Variants in ABTB3 observed in about 807,000 individuals in gnomAD.
ABTB3 encodes the protein ankyrin repeat- and BTB/POZ domain-containing protein 3.
chr12:107,320,104 C>T, the ABTB3 span: 3 of 1,381,038 alleles, frequency 2.2e-6, no homozygotes, highest in Non-Finnish European at 2.8e-6. Context: ...GCCACTCCCT[C>T]TCACCTAACC....
chr12:107,451,698 A>C, the ABTB3 span, among the ~76,000 whole-genome samples: 1 of 148,388 alleles, frequency 6.7e-6, no homozygotes, highest in Non-Finnish European at 1.5e-5. Flanking sequence ...TTTCCTGAAC[A>C]GGCAGCTGAA....
the ABTB3 span, among the ~76,000 whole-genome samples, chr12:107,409,128 G>A: frequency 6.6e-6 from 1 of 152,082 alleles, no homozygotes; most frequent in Non-Finnish European, 1.5e-5. Context: ...CTGTGTCTCT[G>A]TTTCTCTCCG....
At chr12:107,652,471 T>C in the ABTB3 span, among the ~76,000 whole-genome samples, 4 of 152,184 alleles carry the variant, frequency 2.6e-5, no homozygotes, top group Non-Finnish European at 5.9e-5. Context: ...TTTCAAAGCT[T>C]CCCAGGTGAT....
chr12:107,319,492 C>G, the ABTB3 span: 1 of 1,593,688 alleles, frequency 6.3e-7, no homozygotes, highest in Non-Finnish European at 8.5e-7. Flanking sequence ...CTGCGCTGGC[C>G]GCACTGTCCC....
At chr12:107,473,903 G>A in the ABTB3 span, among the ~76,000 whole-genome samples, 2 of 151,400 alleles carry the variant, frequency 1.3e-5, no homozygotes, top group Non-Finnish European at 2.9e-5. Flanking sequence ...CCAGATTCAA[G>A]TGATTCTCCT....
At chr12:107,379,321 TC>T in the ABTB3 span, among the ~76,000 whole-genome samples, 1 of 152,016 alleles carries the variant, frequency 6.6e-6, no homozygotes, top group African/African-American at 2.4e-5. Flanking sequence ...GCTCCCATAA[TC>T]CCCACGTGTC....
the ABTB3 span, among the ~76,000 whole-genome samples, chr12:107,595,837 T>C: frequency 6.6e-6 from 1 of 152,170 alleles, no homozygotes; most frequent in Non-Finnish European, 1.5e-5. Context: ...TGAATGAGTA[T>C]ATATGTATGC....
the ABTB3 span, among the ~76,000 whole-genome samples, chr12:107,627,510 C>T: frequency 6.6e-6 from 1 of 152,228 alleles, no homozygotes; most frequent in Non-Finnish European, 1.5e-5. Context: ...GACCCAGACA[C>T]AAAACCCATG....
chr12:107,330,033 C>T, the ABTB3 span, among the ~76,000 whole-genome samples: 1 of 152,184 alleles, frequency 6.6e-6, no homozygotes, highest in South Asian at 2.1e-4. Context: ...TTGAGTGAGG[C>T]TGGAATGAGG....
chr12:107,461,020 A>C, the ABTB3 span, among the ~76,000 whole-genome samples: 1 of 152,202 alleles, frequency 6.6e-6, no homozygotes, highest in South Asian at 2.1e-4. Flanking sequence ...TAATGGGCTC[A>C]CAGTTCCTCA....
the ABTB3 span, chr12:107,650,612 CT>C: frequency 6.6e-6 from 1 of 152,278 alleles, no homozygotes; most frequent in Non-Finnish European, 1.5e-5. Flanking sequence ...TCACTGCAAC[CT>C]CTGCCTCCTG....
the ABTB3 span, among the ~76,000 whole-genome samples, chr12:107,623,375 T>G: frequency 7.1e-6 from 1 of 140,704 alleles, no homozygotes; most frequent in African/African-American, 2.7e-5. Context: ...TTTTTTTTTT[T>G]TTTTTTTTTG....
At chr12:107,627,049 G>T in the ABTB3 span, among the ~76,000 whole-genome samples, 34 of 152,176 alleles carry the variant, frequency 2.2e-4, no homozygotes, top group African/African-American at 8.2e-4. Flanking sequence ...CACGTTCCCA[G>T]TTCCACACAA....
At chr12:107,589,321 G>C in the ABTB3 span, among the ~76,000 whole-genome samples, 1 of 152,324 alleles carries the variant, frequency 6.6e-6, no homozygotes, top group South Asian at 2.1e-4. Flanking sequence ...TTGGGATATG[G>C]TTGGTAGCCC....
chr12:107,625,992 A>C, the ABTB3 span, among the ~76,000 whole-genome samples: 2 of 152,166 alleles, frequency 1.3e-5, no homozygotes, highest in Non-Finnish European at 2.9e-5. Context: ...CTTCTAGGCT[A>C]TCCCTTTAGT....
chr12:107,617,326 G>A, the ABTB3 span: 1 of 1,614,146 alleles, frequency 6.2e-7, no homozygotes, highest in Middle Eastern at 1.6e-4. Flanking sequence ...TTAGTTTGCT[G>A]TTGGAGCGTG....
At chr12:107,482,236 C>T in the ABTB3 span, among the ~76,000 whole-genome samples, 1 of 152,162 alleles carries the variant, frequency 6.6e-6, no homozygotes, top group Admixed American at 6.5e-5. Flanking sequence ...TAGCCTGTTC[C>T]TCCAGCTCTG....
chr12:107,338,495 C>T, the ABTB3 span, among the ~76,000 whole-genome samples: 1 of 152,168 alleles, frequency 6.6e-6, no homozygotes, highest in South Asian at 2.1e-4. Context: ...GATTCCACTC[C>T]AGTGCTCTTT....
the ABTB3 span, among the ~76,000 whole-genome samples, chr12:107,433,814 C>T: frequency 6.6e-6 from 1 of 152,166 alleles, no homozygotes; most frequent in Non-Finnish European, 1.5e-5. Context: ...GACTAGGTGG[C>T]TTATAAACAA....
Sources: allele counts gnomAD v4.1 joint callset (sites outside exome capture counted in the v4.1 genomes callset), GRCh38; gene constraint gnomAD v4.1.1; transcripts MANE v1.5; gene names NCBI Gene and HGNC (gene_info 2026-07-23, HGNC 2026-07-21).